The following FSTL4 variants were observed in gnomAD, a reference collection of about 807,000 sequenced individuals.
The protein encoded by FSTL4 is follistatin-related protein 4.
In FSTL4, 28 loss-of-function variants were observed where a neutral mutation model predicts 78.2. The ratio of observed to expected loss-of-function variants is 0.36; its 90% CI spans 0.27 to 0.49. The LOEUF (loss-of-function observed/expected upper bound fraction) is 0.49, where lower values mean the gene tolerates loss of function less well. Ranked by LOEUF, FSTL4 falls within the 20% of genes least tolerant of loss-of-function variation. The pLI is 0.98. For synonymous variants in FSTL4, 422 were observed against 440.5 expected, an observed-to-expected ratio of 0.96 and a Z score of 0.53; for missense variants, 922 against 1,084.9, an observed-to-expected ratio of 0.85 and a Z score of 2.11.
At chr5:133,228,018 C>CA (rs1397537079) in intron 8 of FSTL4, among the ~76,000 whole-genome samples, 2 of 152,112 alleles carry the variant, frequency 1.3e-5, no homozygotes, top group Non-Finnish European at 2.9e-5. Flanking sequence ...CTTGAGCCCA[C>CA]ATGTTCGAGA....
At position 133,289,654 on chromosome 5, in the gene FSTL4, C is replaced by T. The variant is rs1042832224; in HGVS notation, c.727+23000G>A. ...CCTGCTGTGGTAGGCACCTGTCTTCCAGCTTGCCCAACTCTGGGACTAGTC... is the reference window on the plus strand; with the variant it reads ...CCTGCTGTGGTAGGCACCTGTCTTCTAGCTTGCCCAACTCTGGGACTAGTC... On this transcript the variant is annotated intron_variant, in intron 6 of 15. Transcript: ENST00000265342. Among the ~76,000 whole-genome samples, 43 of 152,212 alleles carry T rather than the reference C, an allele frequency of 2.8e-4. 2 individuals carry two copies. The highest frequency in any genetic ancestry group is 1.2e-4 in the Non-Finnish European group (8 of 68,038).
chr5:133,675,553 C>T, the FSTL4 span, among the ~76,000 whole-genome samples: 1 of 152,196 alleles, frequency 6.6e-6, no homozygotes, highest in African/African-American at 2.4e-5. Flanking sequence ...AGAGAATCCG[C>T]TGTGTCAACG....
At chr5:133,228,448 C>T (rs1408184985) in intron 8 of FSTL4, among the ~76,000 whole-genome samples, 1 of 152,046 alleles carries the variant, frequency 6.6e-6, no homozygotes, top group Non-Finnish European at 1.5e-5. Context: ...ACCTGGACAC[C>T]AAAACCTGGC....
chr5:133,674,332 G>T, the FSTL4 span, among the ~76,000 whole-genome samples: 15 of 152,066 alleles, frequency 9.9e-5, no homozygotes, highest in Non-Finnish European at 2.1e-4. Flanking sequence ...CAAAGCTTTT[G>T]GCTATCTTCT....
intron 14 of FSTL4, among the ~76,000 whole-genome samples, chr5:133,204,882 A>G (rs1175689281): frequency 6.6e-6 from 1 of 151,826 alleles, no homozygotes; most frequent in African/African-American, 2.4e-5. Flanking sequence ...ACACTTCCCA[A>G]TGGCTCACCA....
chr5:133,249,311 A>T, intron 7 of FSTL4, 99 bp downstream of exon 7: 1 of 954,736 alleles, frequency 1.0e-6, no homozygotes, highest in East Asian at 2.4e-5. Context: ...AGGATGTTAA[A>T]CTAAAACTCT....
intron 3 of FSTL4, among the ~76,000 whole-genome samples, chr5:133,470,595 C>T (rs1034461515): frequency 6.6e-6 from 1 of 151,712 alleles, no homozygotes; most frequent in Non-Finnish European, 1.5e-5. Flanking sequence ...AAATACAAAA[C>T]TTAGTCAAGA....
chr5:133,804,311 A>G, the FSTL4 span, among the ~76,000 whole-genome samples: 1 of 152,118 alleles, frequency 6.6e-6, no homozygotes, highest in Non-Finnish European at 1.5e-5. Context: ...CATTGTCCTC[A>G]GGGCCTGCCA....
At chr5:133,377,244 C>T (rs115663666) in intron 4 of FSTL4, among the ~76,000 whole-genome samples, 22 of 152,206 alleles carry the variant, frequency 1.4e-4, no homozygotes, top group Non-Finnish European at 1.5e-4. Context: ...CACTGGGACC[C>T]GAAGTTCCCT....
the FSTL4 span, among the ~76,000 whole-genome samples, chr5:133,827,009 A>AGGGACAGTCCCGCCCC: frequency 6.6e-6 from 1 of 152,218 alleles, no homozygotes; most frequent in African/African-American, 2.4e-5. Context: ...TGGCACGCCC[A>AGGGACAGTCCCGCCCC]GTGACAGTCC....
At chr5:133,514,719 A>G (rs1014125065) in intron 3 of FSTL4, among the ~76,000 whole-genome samples, 1 of 152,256 alleles carries the variant, frequency 6.6e-6, no homozygotes, top group Non-Finnish European at 1.5e-5. Flanking sequence ...TAATGAAGAC[A>G]AAGGACAAGT....
chr5:133,233,502 C>T lies in FSTL4; in HGVS notation c.930G>A (p.Lys310=). Residue 310 remains lysine (K), a synonymous_variant, in exon 8 of 16, where the codon AAG becomes AAA. Coordinates refer to ENST00000265342, the MANE Select transcript of FSTL4 (RefSeq NM_015082.2). ...AATTGCCCATGTGGATGGTGGTCAC[C>T]TTGGTGATGTACAGGGAATCATCCT... is the stretch of plus-strand genomic sequence containing the variant. The part of the protein sequence containing the change: ...FGEDDSLYIT[K]VTTIHMGNYT... The T allele has an allele frequency of 6.2e-7, 1 of 1,614,140 alleles. No homozygotes were observed. The highest frequency in any genetic ancestry group is 8.5e-7 in the Non-Finnish European group (1 of 1,179,992).
intron 11 of FSTL4, among the ~76,000 whole-genome samples, chr5:133,223,624 G>T (rs1056554649): frequency 1.3e-5 from 2 of 152,208 alleles, no homozygotes; most frequent in Non-Finnish European, 2.9e-5. Flanking sequence ...TCAGCCATAT[G>T]AAATTGTCAA....
the FSTL4 span, among the ~76,000 whole-genome samples, chr5:133,672,661 C>A: frequency 6.6e-6 from 1 of 152,166 alleles, no homozygotes; most frequent in African/African-American, 2.4e-5. Context: ...CATTTTCTGT[C>A]CAGGGTTCAA....
intron 3 of FSTL4, among the ~76,000 whole-genome samples, chr5:133,439,206 G>A (rs1413988638): frequency 2.6e-5 from 4 of 152,276 alleles, no homozygotes; most frequent in East Asian, 3.9e-4. Context: ...GGTGGACAAC[G>A]GGAATAGAAC....
At chr5:133,309,618 G>A (rs907164440) in intron 6 of FSTL4, among the ~76,000 whole-genome samples, 2 of 152,118 alleles carry the variant, frequency 1.3e-5, no homozygotes, top group Non-Finnish European at 2.9e-5. Flanking sequence ...GCAGACTGTG[G>A]CAAGCATGGC....
the FSTL4 span, among the ~76,000 whole-genome samples, chr5:133,821,006 T>G: frequency 6.6e-6 from 1 of 152,266 alleles, no homozygotes; most frequent in Non-Finnish European, 1.5e-5. Context: ...ACATTGATTG[T>G]GTTTGAAAAC....
the FSTL4 span, among the ~76,000 whole-genome samples, chr5:133,743,150 C>G: frequency 6.6e-6 from 1 of 152,098 alleles, no homozygotes; most frequent in East Asian, 1.9e-4. Context: ...GGGCCCTGGG[C>G]TGTTGTTGAA....
At chr5:133,687,431 A>G in the FSTL4 span, among the ~76,000 whole-genome samples, 123,661 of 152,118 alleles carry the variant, frequency 0.81, 50,565 homozygotes, top group East Asian at 0.91. Context: ...CTTGGAGTTT[A>G]CCTTTCAATC....
Sources: allele counts gnomAD v4.1 joint callset (sites outside exome capture counted in the v4.1 genomes callset), GRCh38; gene constraint gnomAD v4.1.1; transcripts MANE v1.5; gene names NCBI Gene and HGNC (gene_info 2026-07-23, HGNC 2026-07-21).